THRB: variants seen among roughly 807,000 people sequenced by gnomAD.
THRB encodes the protein thyroid hormone receptor beta.
In THRB, 12 loss-of-function variants were observed where a neutral mutation model predicts 47.8. The observed-to-expected ratio is 0.25, with a 90% confidence interval of 0.16 to 0.41. The LOEUF (loss-of-function observed/expected upper bound fraction) is 0.41. THRB is among the 10% of genes least tolerant of loss of function. THRB has a pLI of 1.00. For synonymous variants in THRB, 218 were observed against 212.2 expected, an observed-to-expected ratio of 1.03 and a Z score of -0.24; for missense variants, 348 against 589.2, an observed-to-expected ratio of 0.59 and a Z score of 4.24.
intron 2 of THRB, among the ~76,000 whole-genome samples, chr3:24,313,995 C>T (rs1005359167): frequency 2.0e-5 from 3 of 152,182 alleles, no homozygotes; most frequent in Non-Finnish European, 4.4e-5. Flanking sequence ...AGGAATTAGG[C>T]TTTTTCTTGT....
chr3:24,296,139 A>G (rs1317532784), intron 3 of THRB, among the ~76,000 whole-genome samples: 1 of 152,218 alleles, frequency 6.6e-6, no homozygotes, highest in African/African-American at 2.4e-5. Flanking sequence ...TAAAGGTCAG[A>G]TATGCCTTTA....
intron 9 of THRB, among the ~76,000 whole-genome samples, chr3:24,130,309 C>T (rs2033646179): frequency 6.6e-6 from 1 of 152,120 alleles, no homozygotes; most frequent in South Asian, 2.1e-4. Context: ...CCACGTTGAC[C>T]CCTCGCCCTT....
At chr3:24,449,645 A>G (rs4566480) in intron 1 of THRB, among the ~76,000 whole-genome samples, 131,454 of 152,164 alleles carry the variant, frequency 0.86, 57,431 homozygotes, top group Middle Eastern at 0.94. Flanking sequence ...GTTTAGGGAT[A>G]TGAGGGAAGA....
intron 1 of THRB, among the ~76,000 whole-genome samples, chr3:24,417,111 C>A: frequency 6.6e-6 from 1 of 150,958 alleles, no homozygotes; most frequent in Non-Finnish European, 1.5e-5. Context: ...CACACACACA[C>A]ACACACACAC....
intron 4 of THRB, among the ~76,000 whole-genome samples, chr3:24,194,422 C>G (rs1204576317): frequency 1.3e-5 from 2 of 152,172 alleles, no homozygotes; most frequent in East Asian, 3.8e-4. Flanking sequence ...ACCGTTTACT[C>G]TTTAATGAAT....
At chr3:24,394,171 T>G (rs1262496836) in intron 1 of THRB, among the ~76,000 whole-genome samples, 2 of 152,118 alleles carry the variant, frequency 1.3e-5, no homozygotes, top group Non-Finnish European at 2.9e-5. Context: ...CTATTTTCCT[T>G]GCTTGTTTCT....
In THRB at chr3:24,173,133, G is replaced by A. The variant is rs6763171; in HGVS notation, c.283+16941C>T. ...CAGCCCACCCCAGACCAACTGGATC[G>A]TAAACTCTGGGGGGTGGGGACAGCA... is the stretch of plus-strand genomic sequence containing the variant. On this transcript the variant is annotated intron_variant, in intron 5 of 10. Transcript: ENST00000646209. Among the ~76,000 whole-genome samples, 905 of 152,226 alleles carry A rather than the reference G, an allele frequency of 5.9e-3. 11 individuals carry two copies. Among genetic ancestry groups the A allele is most frequent in the African/African-American group, 0.02 (837 of 41,554 alleles).
chr3:24,475,575 C>T (rs1328052534), intron 1 of THRB, among the ~76,000 whole-genome samples: 1 of 151,994 alleles, frequency 6.6e-6, no homozygotes, highest in Non-Finnish European at 1.5e-5. Flanking sequence ...TCTGAAAGGC[C>T]ATGCACTAGC....
At chr3:24,344,295 C>T (rs1288312138) in intron 1 of THRB, among the ~76,000 whole-genome samples, 1 of 151,944 alleles carries the variant, frequency 6.6e-6, no homozygotes, top group African/African-American at 2.4e-5. Context: ...TTTGGGTTGG[C>T]ATTTGAATGT....
At chr3:24,152,846 C>G (rs532086134) in intron 5 of THRB, among the ~76,000 whole-genome samples, 6 of 151,890 alleles carry the variant, frequency 4.0e-5, no homozygotes, top group African/African-American at 1.2e-4. Context: ...CCTGTAATCC[C>G]AGCTACTCAG....
intron 6 of THRB, among the ~76,000 whole-genome samples, chr3:24,148,319 G>A (rs920405573): frequency 1.3e-5 from 2 of 152,044 alleles, no homozygotes; most frequent in Non-Finnish European, 2.9e-5. Context: ...TAGAGACGGG[G>A]TTTTGCCATG....
chr3:24,482,854 C>T (rs1696689787), intron 1 of THRB, among the ~76,000 whole-genome samples: 1 of 152,130 alleles, frequency 6.6e-6, no homozygotes, highest in African/African-American at 2.4e-5. Context: ...TCAGAATTAA[C>T]TTCTTAATAT....
intron 2 of THRB, among the ~76,000 whole-genome samples, chr3:24,312,536 T>C (rs1019463006): frequency 1.3e-5 from 2 of 152,220 alleles, no homozygotes; most frequent in African/African-American, 4.8e-5. Flanking sequence ...TTCCTACGTA[T>C]ACGCCCACAT....
chr3:24,288,678 C>CG (rs1300589174), intron 3 of THRB, among the ~76,000 whole-genome samples: 1 of 152,106 alleles, frequency 6.6e-6, no homozygotes, highest in African/African-American at 2.4e-5. Context: ...TTAAAATTCC[C>CG]GGGTTGAATC....
In THRB at chr3:24,256,632, A is replaced by G. The variant is rs76954846; in HGVS notation, c.-42-27631T>C. Reference sequence around the variant, plus strand: ...AAGGAGAGAGATACGTGTCTCAAGTATGTACAAGAAGGGTGGACACCTCTA... The same window carrying G: ...AAGGAGAGAGATACGTGTCTCAAGTGTGTACAAGAAGGGTGGACACCTCTA... On this transcript the variant is annotated intron_variant, in intron 3 of 10. Transcript: ENST00000646209. Among the ~76,000 whole-genome samples, 414 of 152,258 alleles carry G rather than the reference A, an allele frequency of 2.7e-3. 2 individuals are homozygous for G. The highest frequency in any genetic ancestry group is 9.7e-3 in the African/African-American group (401 of 41,554).
At chr3:24,211,314 T>G (rs1233302816) in intron 4 of THRB, among the ~76,000 whole-genome samples, 1 of 152,232 alleles carries the variant, frequency 6.6e-6, no homozygotes, top group South Asian at 2.1e-4. Context: ...GAATGCTTTT[T>G]TCTTACAAGC....
intron 3 of THRB, among the ~76,000 whole-genome samples, chr3:24,245,205 T>G (rs2049988993): frequency 6.6e-6 from 1 of 152,206 alleles, no homozygotes; most frequent in Non-Finnish European, 1.5e-5. Context: ...TTCTGCTCAT[T>G]GATGAAACAG....
chr3:24,478,913 A>G (rs1415436436), intron 1 of THRB, among the ~76,000 whole-genome samples: 1 of 152,224 alleles, frequency 6.6e-6, no homozygotes, highest in Non-Finnish European at 1.5e-5. Context: ...GGCAATGTCT[A>G]GAGAAATTTT....
chr3:24,248,847 C>T (rs1160725258), intron 3 of THRB, among the ~76,000 whole-genome samples: 1 of 152,194 alleles, frequency 6.6e-6, no homozygotes, highest in African/African-American at 2.4e-5. Context: ...TTCATCTCCT[C>T]TTTTTGTTTC....
Sources: allele counts gnomAD v4.1 joint callset (sites outside exome capture counted in the v4.1 genomes callset), GRCh38; gene constraint gnomAD v4.1.1; transcripts MANE v1.5; gene names NCBI Gene and HGNC (gene_info 2026-07-23, HGNC 2026-07-21).